Variants in GRN observed in about 807,000 individuals in gnomAD.
GRN encodes the protein granulin precursor.
Under a neutral mutation model 66.7 loss-of-function variants are expected in GRN, and 30 were observed. The ratio of observed to expected loss-of-function variants is 0.45; its 90% confidence interval spans 0.34 to 0.61. GRN has a LOEUF of 0.61. Among genes scored for constraint, GRN ranks in the 20% least tolerant of loss-of-function variants. The pLI, the probability that GRN is intolerant of heterozygous loss-of-function variation, is 0.01. For missense variants in GRN, 731 were observed against 803.5 expected, an observed-to-expected ratio of 0.91 and a Z score of 1.09; for synonymous variants, 327 against 311.1, an observed-to-expected ratio of 1.05 and a Z score of -0.54.
In GRN at chr17:44,351,459, A is replaced by C; in HGVS notation, c.932A>C (p.Gln311Pro). Residue 311 changes from glutamine (Q) to proline (P), a missense_variant and splice_region_variant, in exon 9 of 13, where the codon CAG (glutamine) becomes CCG (proline). Transcript: ENST00000053867. ...GCCTGGGGCTGCTGCCCTTTTACCC[A>C]GGTACCCAGGGGTGGCGGGTGGGTG... ...SGAWGCCPFT[Q>P]AVCCEDHIHC... 8.4e-7 allele frequency: 1 copy of C among 1,197,478 alleles called. No individual in the cohort carries two copies. The highest frequency in any genetic ancestry group is 1.2e-6 in the Non-Finnish European group (1 of 851,298). The allele number at this position is 1,197,478 out of a possible 1,614,324, so 74.2% of individuals were successfully genotyped here.
At position 44,350,673 on chromosome 17, in the gene GRN, C is replaced by T. The variant is rs369353792; in HGVS notation, c.599-18C>T. 1.9e-6 allele frequency: 3 copies of T among 1,612,144 alleles called. No individual in the cohort carries two copies. Among genetic ancestry groups the T allele is most frequent in the African/African-American group, 2.7e-5 (2 of 74,876 alleles). ...TTTCCTCCATCCTGGCTGCCCCTCA[C>T]GTTTGCTCCTCTTCCAGTGGCCTTG... On this transcript the variant is annotated intron_variant, in intron 6 of 12. Coordinates refer to ENST00000053867, the MANE Select transcript of GRN (RefSeq NM_002087.4).
Position 44,350,335 on chromosome 17 carries a change from C to T in GRN, c.457C>T (p.Pro153Ser), listed in dbSNP as rs747278997. ...VDGSWGCCPM[P>S]QASCCEDRVH... ...TGGCTCCTGGGGGTGCTGCCCCATGCCCCAGGTACAAATCTGGGGGAGATG... is the reference window on the plus strand; with the variant it reads ...TGGCTCCTGGGGGTGCTGCCCCATGTCCCAGGTACAAATCTGGGGGAGATG... Residue 153 changes from proline to serine, a missense_variant, in exon 5 of 13, where the codon CCC (proline) becomes TCC (serine). Physicochemically the swap from Pro to Ser is moderately conservative, Grantham distance 74 (BLOSUM62 -1). Coordinates refer to ENST00000053867, the MANE Select transcript of GRN (RefSeq NM_002087.4). 3 of 1,612,132 alleles carry T rather than the reference C, an allele frequency of 1.9e-6. No homozygotes were observed. The highest frequency in any genetic ancestry group is 2.5e-6 in the Non-Finnish European group (3 of 1,178,762).
In GRN at chr17:44,352,841, G is replaced by A. The variant is rs1209242701; in HGVS notation, c.*43G>A. On this transcript the variant is annotated 3_prime_UTR_variant, in exon 13 of 13. Transcript: ENST00000053867. Reference sequence around the variant, plus strand: ...TCTGCAGCCCTCGGGACCCCACTCGGAGGGTGCCCTCTGCTCAGGCCTCCC... The same window carrying A: ...TCTGCAGCCCTCGGGACCCCACTCGAAGGGTGCCCTCTGCTCAGGCCTCCC... The A allele has an allele frequency of 6.3e-7, 1 of 1,597,866 alleles. No individual in the cohort carries two copies. Among genetic ancestry groups the A allele is most frequent in the Admixed American group, 1.7e-5 (1 of 59,930 alleles).
rs368273636 is a variant in GRN, at chr17:44,350,498, G to C, written c.519G>C (p.Leu173=). 5.0e-6 allele frequency: 8 copies of C among 1,613,870 alleles called. No homozygotes were observed. The highest frequency in any genetic ancestry group is 2.7e-5 in the African/African-American group (2 of 74,886). ...HCCPHGAFCD[L]VHTRCITPTG... ...GTCCGCACGGTGCCTTCTGCGACCT[G>C]GTTCACACCCGCTGCATCACACCCA... The change falls in exon 6 of 13, where the codon CTG becomes CTC. Residue 173 remains leucine, a synonymous_variant. Transcript: ENST00000053867.
At chr17:44,348,014 T>C (rs191797035) in intron 1 of GRN, among the ~76,000 whole-genome samples, 15 of 151,684 alleles carry the variant, frequency 9.9e-5, no homozygotes, top group Admixed American at 5.9e-4. Flanking sequence ...GGTTGGAGGA[T>C]TGCTTGATCC....
At chr17:44,348,255 C>G (rs1008263127) in intron 1 of GRN, among the ~76,000 whole-genome samples, 1 of 152,148 alleles carries the variant, frequency 6.6e-6, no homozygotes, top group African/African-American at 2.4e-5. Context: ...CTAGCTGAGC[C>G]TGGGAGAAGA....
chr17:44,349,051 G>A, intron 1 of GRN, 107 bp from the exon 2 acceptor site: 1 of 1,231,062 alleles, frequency 8.1e-7, no homozygotes, highest in Non-Finnish European at 1.2e-6. Flanking sequence ...GAAGGCTCAG[G>A]CAGTCCTGGG....
chr17:44,348,397 A>T (rs2048341014), intron 1 of GRN, among the ~76,000 whole-genome samples: 1 of 152,102 alleles, frequency 6.6e-6, no homozygotes, highest in South Asian at 2.1e-4. Context: ...TCCAGAATAG[A>T]TGGAGAGGCA....
At chr17:44,350,163 T>C in intron 4 of GRN, 65 bp from the exon 5 acceptor site, 2 of 1,110,248 alleles carry the variant, frequency 1.8e-6, no homozygotes, top group Non-Finnish European at 2.7e-6. Context: ...CACCAGCTCC[T>C]TGTGTGATGG....
chr17:44,349,845 G>A (rs961962382), intron 4 of GRN, 94 bp downstream of exon 4: 19 of 806,944 alleles, frequency 2.4e-5, no homozygotes, highest in African/African-American at 1.5e-4. Context: ...CCTGATTCCT[G>A]CCCTTGTGCC....
In GRN at chr17:44,350,745, G is replaced by A. The variant is rs1248372431; in HGVS notation, c.653G>A (p.Gly218Asp). 1.2e-6 allele frequency: 2 copies of A among 1,614,118 alleles called. No individual in the cohort carries two copies. The highest frequency in any genetic ancestry group is 1.7e-6 in the Non-Finnish European group (2 of 1,179,976). ...CPDARSRCPDGSTCCELPSGK... is the reference protein window; with the variant it reads ...CPDARSRCPDDSTCCELPSGK... ...GACGCACGGTCCCGGTGCCCTGATG[G>A]TTCTACCTGCTGTGAGCTGCCCAGT... Residue 218 changes from glycine (G) to aspartate (D), a missense_variant, in exon 7 of 13, where the codon GGT becomes GAT. Gly to Asp is a moderately conservative substitution (Grantham distance 94, BLOSUM62 -1). Transcript: ENST00000053867.
In GRN at chr17:44,351,104, A is replaced by C; in HGVS notation, c.776A>C (p.Lys259Thr). 6.2e-7 allele frequency: 1 copy of C among 1,614,052 alleles called. No homozygotes were observed. The highest frequency in any genetic ancestry group is 8.5e-7 in the Non-Finnish European group (1 of 1,179,944). The change falls in exon 8 of 13, where the codon AAG (lysine) becomes ACG (threonine). Residue 259 changes from lysine to threonine, a missense_variant. Physicochemically the swap from Lys to Thr is moderately conservative, Grantham distance 78. Transcript: ENST00000053867. The stretch of plus-strand genomic sequence containing the variant: ...ACTGTGTGTGACCTGATCCAGAGTA[A>C]GTGCCTCTCCAAGGAGAACGCTACC... ...QDTVCDLIQS[K>T]CLSKENATTD... is the part of the protein sequence containing the mutation.
In GRN at chr17:44,352,581, A is replaced by T. The variant is rs767811007; in HGVS notation, c.1644+10A>T. 10 of 1,612,660 alleles carry T rather than the reference A, an allele frequency of 6.2e-6. No individual in the cohort carries two copies. In the Admixed American group the frequency reaches 1.5e-4, roughly 24 times the overall value. ...CTGTCCCTACCGCCAGGTCAGTGCC[A>T]ACCCCCATCCTGGGGCTGGGTATGG... On this transcript the variant is annotated intron_variant, in intron 12 of 12. Transcript: ENST00000053867.
rs1467013123 is a variant in GRN, at chr17:44,349,067, A to G, written c.-7-91A>G. On this transcript the variant is annotated intron_variant, in intron 1 of 12. Transcript: ENST00000053867. ...AAGGCTCAGGCAGTCCTGGGCCAGG[A>G]CCTTGGCCTGGGGCTAGGGTACTGA... The G allele has an allele frequency of 2.1e-6, 3 of 1,404,758 alleles. No individual in the cohort carries two copies. In the East Asian group the frequency reaches 6.8e-5, roughly 32 times the overall value. 87.0% of individuals were successfully genotyped at this position (1,404,758 alleles called of 1,614,324 possible). A position where few individuals can be genotyped will look rare whatever the true frequency, so the allele number is the denominator to read the frequency against.
chr17:44,351,839 C>A (rs751652608), intron 10 of GRN, 44 bp downstream of exon 10: 2 of 1,599,482 alleles, frequency 1.3e-6, no homozygotes, highest in Non-Finnish European at 8.5e-7. Context: ...AGGTGGGTGG[C>A]CAAGCTCCTA....
At chr17:44,349,830 G>T in intron 4 of GRN, 79 bp downstream of exon 4, 2 of 962,916 alleles carry the variant, frequency 2.1e-6, no homozygotes, top group South Asian at 1.3e-5. Flanking sequence ...GCTGGCGGGG[G>T]CAGCCCTGAT....
Position 44,351,155 on chromosome 17 carries a change from C to G in GRN, c.827C>G (p.Ala276Gly), listed in dbSNP as rs202178902. ...ACGGACCTCCTCACTAAGCTGCCTG[C>G]GCACACAGGTACCAGAGGCAGGGTG... ...ATTDLLTKLPAHTVGDVKCDM... is the reference protein window; with the variant it reads ...ATTDLLTKLPGHTVGDVKCDM... The change falls in exon 8 of 13, where the codon GCG (alanine) becomes GGG (glycine). Residue 276 changes from alanine to glycine, a missense_variant. By Grantham distance (60) the Ala-to-Gly change is moderately conservative. Coordinates refer to ENST00000053867, the MANE Select transcript of GRN (RefSeq NM_002087.4). 1 of 1,614,012 alleles carries G rather than the reference C, an allele frequency of 6.2e-7. No homozygotes were observed. The highest frequency in any genetic ancestry group is 1.7e-5 in the Admixed American group (1 of 60,012).
chr17:44,350,856 C>G (rs941671977), intron 7 of GRN, 56 bp downstream of exon 7: 30 of 1,459,932 alleles, frequency 2.1e-5, no homozygotes, highest in Non-Finnish European at 2.9e-5. Flanking sequence ...CTGGCCCTGA[C>G]ACGCACCTTA....
Position 44,351,068 on chromosome 17 carries a change from GCCC to G in GRN, c.743_745del (p.Pro248del), listed in dbSNP as rs1567886954. 3 of 1,614,030 alleles carry G rather than the reference GCCC, an allele frequency of 1.9e-6. No individual in the cohort carries two copies. In the South Asian group the frequency reaches 3.3e-5, roughly 18 times the overall value. On this transcript the variant is annotated inframe_deletion, in exon 8 of 13. Coordinates refer to ENST00000053867, the MANE Select transcript of GRN (RefSeq NM_002087.4). Reference sequence around the variant, plus strand: ...TGCTGCTCCGATCACCTGCACTGCTGCCCCCAAGACACTGTGTGTGACCTGATC... The same window carrying G: ...TGCTGCTCCGATCACCTGCACTGCTGCCAAGACACTGTGTGTGACCTGATC...
Sources: gnomAD v4.1 joint callset for allele counts (sites outside exome capture counted in the v4.1 genomes callset) on GRCh38, gnomAD v4.1.1 for gene constraint, MANE v1.5 for transcripts, NCBI Gene and HGNC (gene_info 2026-07-23, HGNC 2026-07-21) for gene names.